Variants in BSPH1 observed in about 807,000 individuals in gnomAD.
BSPH1 encodes the protein binder of sperm protein homolog 1, also known as binder of sperm 1.
A neutral mutation model predicts 22.5 loss-of-function variants in BSPH1; 21 were observed. The ratio of observed to expected loss-of-function variants is 0.93; its 90% confidence interval spans 0.66 to 1.35. BSPH1 has a LOEUF of 1.35. Among genes scored for constraint, BSPH1 ranks in the 40% most tolerant of loss-of-function variants. The pLI, the probability that BSPH1 is intolerant of heterozygous loss-of-function variation, is 0.00. For missense variants in BSPH1, 141 were observed against 154.2 expected, an observed-to-expected ratio of 0.91 and a Z score of 0.45; for synonymous variants, 42 against 53.6, an observed-to-expected ratio of 0.78 and a Z score of 0.95.
chr19:47,990,048 G>A (rs1255728223), intron 1 of BSPH1, among the ~76,000 whole-genome samples: 1 of 150,304 alleles, frequency 6.7e-6, no homozygotes, highest in African/African-American at 2.5e-5. Context: ...GAATCTGGGA[G>A]GCTGAGGTTG....
chr19:47,991,943 G>T, intron 1 of BSPH1, 66 bp downstream of exon 1: 3 of 1,032,392 alleles, frequency 2.9e-6, no homozygotes, highest in Non-Finnish European at 2.9e-6. Flanking sequence ...CTCCTTCCTT[G>T]CTCTCACTCT....
At chr19:47,975,549 C>T (rs1047486388) in intron 5 of BSPH1, among the ~76,000 whole-genome samples, 1 of 152,156 alleles carries the variant, frequency 6.6e-6, no homozygotes, top group Non-Finnish European at 1.5e-5. Context: ...TTTTAAACCT[C>T]ACTCTGGTAC....
intron 1 of BSPH1, among the ~76,000 whole-genome samples, chr19:47,989,983 G>A (rs12463126): frequency 0.17 from 26,343 of 151,934 alleles, 2,534 homozygotes; most frequent in Non-Finnish European, 0.21. Flanking sequence ...GCTGGGCATG[G>A]TGGCACGTGC....
chr19:47,975,648 CATTTTTTT>C (rs1275967987), intron 5 of BSPH1, among the ~76,000 whole-genome samples: 2 of 111,830 alleles, frequency 1.8e-5, no homozygotes, highest in African/African-American at 7.4e-5. Flanking sequence ...TAAGGTAATG[CATTTTTTT>C]TTTTTTTTTT....
Position 47,979,596 on chromosome 19 carries a change from G to A in BSPH1, c.98C>T (p.Thr33Ile), listed in dbSNP as rs1969399331. The change falls in exon 3 of 6, where the codon ACT becomes ATT. Residue 33 changes from threonine (T) to isoleucine (I), a missense_variant. Physicochemically the swap from Thr to Ile is moderately conservative, Grantham distance 89. Coordinates refer to ENST00000344839, the MANE Select transcript of BSPH1 (RefSeq NM_001128326.2). ...ILNELSSTVE[T>I]ITHFPEVTDG... ...TGTAACTTCTGGAAAATGAGTTATA[G>A]TTTCTGAAAAATAAAATTTAGAGCT... 1 of 1,327,602 alleles carries A rather than the reference G, an allele frequency of 7.5e-7. No homozygotes were observed. The highest frequency in any genetic ancestry group is 1.0e-6 in the Non-Finnish European group (1 of 979,540). 82.2% of individuals were successfully genotyped at this position (1,327,602 alleles called of 1,614,324 possible).
intron 3 of BSPH1, among the ~76,000 whole-genome samples, chr19:47,977,911 T>A (rs369689181): frequency 6.6e-6 from 1 of 151,056 alleles, no homozygotes; most frequent in South Asian, 2.1e-4. Context: ...TGTGTATGTG[T>A]GTCACCTGGG....
chr19:47,977,408 G>A lies in BSPH1; in HGVS notation c.221C>T (p.Thr74Ile). 6.4e-7 allele frequency: 1 copy of A among 1,552,186 alleles called. No individual in the cohort carries two copies. Among genetic ancestry groups the A allele is most frequent in the Non-Finnish European group, 8.7e-7 (1 of 1,147,096 alleles). The change falls in exon 4 of 6, where the codon ACC becomes ATC. Residue 74 changes from threonine to isoleucine, a missense_variant. Coordinates refer to ENST00000344839, the MANE Select transcript of BSPH1 (RefSeq NM_001128326.2). ...ARHKWCSLNK[T>I]YEGYWKFCSA... The stretch of plus-strand genomic sequence containing the variant: ...GCAAAACTTCCAGTATCCTTCGTAG[G>A]TCTTGTTTAACGAGCACCACTTGTG...
chr19:47,974,719 G>A (rs914520249), intron 5 of BSPH1, among the ~76,000 whole-genome samples: 4 of 151,588 alleles, frequency 2.6e-5, no homozygotes, highest in African/African-American at 9.7e-5. Flanking sequence ...CACTGTTTAG[G>A]TATTGCTCTT....
At chr19:47,971,912 C>A (rs903893769) in intron 5 of BSPH1, among the ~76,000 whole-genome samples, 1 of 152,114 alleles carries the variant, frequency 6.6e-6, no homozygotes, top group Non-Finnish European at 1.5e-5. Context: ...ATTGTCAAAG[C>A]CTTGGAAATA....
intron 1 of BSPH1, among the ~76,000 whole-genome samples, chr19:47,988,523 C>T (rs962785534): frequency 1.3e-5 from 2 of 152,062 alleles, no homozygotes; most frequent in East Asian, 1.9e-4. Flanking sequence ...ACAGAGGAGG[C>T]GAGAGGAGCC....
In BSPH1 at chr19:47,986,759, T is replaced by A. The variant is rs576043638; in HGVS notation, c.73+5250A>T. On this transcript the variant is annotated intron_variant, in intron 1 of 5. Transcript: ENST00000344839. The stretch of plus-strand genomic sequence containing the variant: ...GACCCTATCTAAAAATAAAATAAAA[T>A]AAAATAAAAATAAAAAAAATCTAGA... Among the ~76,000 whole-genome samples the A allele has an allele frequency of 1.8e-3, 268 of 149,744 alleles. 1 individual carries two copies. Among genetic ancestry groups the A allele is most frequent in the Non-Finnish European group, 2.8e-3 (189 of 67,238 alleles).
intron 3 of BSPH1, 21 bp downstream of exon 3, chr19:47,979,548 CA>C: frequency 8.4e-7 from 1 of 1,197,092 alleles, no homozygotes; most frequent in South Asian, 1.6e-5. Context: ...CATTAATAAT[CA>C]AAGTTTTCTG....
At chr19:47,972,175 G>T (rs1969316275) in intron 5 of BSPH1, among the ~76,000 whole-genome samples, 1 of 152,018 alleles carries the variant, frequency 6.6e-6, no homozygotes, top group Non-Finnish European at 1.5e-5. Flanking sequence ...TCTAAAATCT[G>T]CTAGATTTCA....
At chr19:47,988,386 TGTG>T (rs1969491375) in intron 1 of BSPH1, among the ~76,000 whole-genome samples, 1 of 152,218 alleles carries the variant, frequency 6.6e-6, no homozygotes, top group Admixed American at 6.5e-5. Flanking sequence ...CTGTTTCAGA[TGTG>T]GGAACTCACA....
intron 2 of BSPH1, chr19:47,980,478 T>A: frequency 3.1e-4 from 24 of 78,642 alleles, no homozygotes; most frequent in Non-Finnish European, 4.6e-4. Context: ...TTCTTCTTTC[T>A]TTTTTTTTTT....
At chr19:47,988,393 A>G (rs1450784918) in intron 1 of BSPH1, among the ~76,000 whole-genome samples, 1 of 152,142 alleles carries the variant, frequency 6.6e-6, no homozygotes, top group East Asian at 1.9e-4. Context: ...AGATGTGGGA[A>G]CTCACAGACA....
chr19:47,973,153 CTTGCAG>C (rs577769010), intron 5 of BSPH1, among the ~76,000 whole-genome samples: 173 of 151,108 alleles, frequency 1.1e-3, no homozygotes, highest in African/African-American at 4.1e-3. Context: ...GGAGGCGGAG[CTTGCAG>C]TGAGCCGAGA....
intron 3 of BSPH1, among the ~76,000 whole-genome samples, chr19:47,977,859 C>T (rs1050831900): frequency 1.5e-4 from 23 of 151,500 alleles, no homozygotes; most frequent in African/African-American, 5.6e-4. Flanking sequence ...TACCTCTTTC[C>T]GTCATCTCTC....
intron 1 of BSPH1, among the ~76,000 whole-genome samples, chr19:47,982,508 T>A (rs1336874651): frequency 6.6e-6 from 1 of 152,220 alleles, no homozygotes; most frequent in Non-Finnish European, 1.5e-5. Context: ...ATTTAAGAAA[T>A]AGTCATAATG....
Sources: gnomAD v4.1 joint callset for allele counts (sites outside exome capture counted in the v4.1 genomes callset) on GRCh38, gnomAD v4.1.1 for gene constraint, MANE v1.5 for transcripts, NCBI Gene and HGNC (gene_info 2026-07-23, HGNC 2026-07-21) for gene names.